The following ARHGAP15 variants were observed in gnomAD, a reference collection of about 807,000 sequenced individuals.
The protein encoded by ARHGAP15 is Rho GTPase activating protein 15, also known as rho GTPase-activating protein 15.
A neutral mutation model predicts 63.7 loss-of-function variants in ARHGAP15; 51 were observed. That is an observed-to-expected ratio of 0.80 (90% confidence interval 0.64 to 1.01). ARHGAP15 has a LOEUF of 1.01. Among genes scored for constraint, ARHGAP15 ranks in the 50% least tolerant of loss-of-function variants. ARHGAP15 has a pLI of 0.00. For synonymous variants in ARHGAP15, 191 were observed against 193.8 expected, an observed-to-expected ratio of 0.99 and a Z score of 0.12; for missense variants, 560 against 564.6, an observed-to-expected ratio of 0.99 and a Z score of 0.08.
chr2:143,146,753 A>G (rs1689608386), intron 1 of ARHGAP15, among the ~76,000 whole-genome samples: 3 of 152,104 alleles, frequency 2.0e-5, no homozygotes, highest in Non-Finnish European at 4.4e-5. Context: ...GTCCTTCACA[A>G]CAATAGACTA....
intron 1 of ARHGAP15, among the ~76,000 whole-genome samples, chr2:143,139,304 T>C (rs1024191895): frequency 1.3e-5 from 2 of 152,266 alleles, no homozygotes; most frequent in East Asian, 3.9e-4. Context: ...ATGTATTCCA[T>C]ACCACTTATT....
chr2:143,218,480 AT>A (rs1692858947), intron 4 of ARHGAP15, among the ~76,000 whole-genome samples: 1 of 152,102 alleles, frequency 6.6e-6, no homozygotes, highest in African/African-American at 2.4e-5. Flanking sequence ...ATGTGTGTTT[AT>A]CAAACTCATT....
At chr2:143,197,159 C>A (rs894843612) in intron 2 of ARHGAP15, among the ~76,000 whole-genome samples, 2 of 151,884 alleles carry the variant, frequency 1.3e-5, no homozygotes, top group African/African-American at 4.8e-5. Context: ...AAATGAAATT[C>A]TCTCTGCAAT....
chr2:143,344,129 A>T (rs1043799565), intron 6 of ARHGAP15: 4 of 152,126 alleles, frequency 2.6e-5, no homozygotes, highest in Non-Finnish European at 5.9e-5. Flanking sequence ...TTCCCTTTCA[A>T]TAACACACCT....
rs181747890 is a variant in ARHGAP15, at chr2:143,452,335, C to A, written c.703+15293C>A. 2.2e-4 allele frequency among the ~76,000 whole-genome samples: 34 copies of A among 151,960 alleles called. No individual in the cohort carries two copies. In the East Asian group the frequency reaches 6.0e-3, roughly 27 times the overall value. Reference sequence around the variant, plus strand: ...CTGCTTATTGTGTAGGCTCATCTTCCCCTGATGGAGCAATCAATTAAATAT... The same window carrying A: ...CTGCTTATTGTGTAGGCTCATCTTCACCTGATGGAGCAATCAATTAAATAT... On this transcript the variant is annotated intron_variant, in intron 8 of 13. Coordinates refer to ENST00000295095, the MANE Select transcript of ARHGAP15 (RefSeq NM_018460.4).
intron 9 of ARHGAP15, among the ~76,000 whole-genome samples, chr2:143,517,966 C>A (rs974223786): frequency 5.9e-5 from 9 of 152,172 alleles, no homozygotes; most frequent in South Asian, 2.1e-4. Context: ...TATGTAATAC[C>A]TTATAAGTTA....
intron 6 of ARHGAP15, among the ~76,000 whole-genome samples, chr2:143,363,192 G>A (rs1255779906): frequency 6.6e-6 from 1 of 151,788 alleles, no homozygotes; most frequent in Non-Finnish European, 1.5e-5. Flanking sequence ...CATTTTTTTG[G>A]AACATGTTAA....
At position 143,330,133 on chromosome 2, in the gene ARHGAP15, C is replaced by CAAAAAA. The variant is rs1558898102; in HGVS notation, c.474+79538_474+79539insAAAAAA. On this transcript the variant is annotated intron_variant, in intron 6 of 13. Transcript: ENST00000295095. ...AAAAAAAAAAAAAAAAAAAAAAAACCAAAAACAAAAAACTAAACTAATGAT... is the reference window on the plus strand; with the variant it reads ...AAAAAAAAAAAAAAAAAAAAAAAACCAAAAAAAAAAACAAAAAACTAAACTAATGAT... Among the ~76,000 whole-genome samples, 271 of 37,348 alleles carry CAAAAAA rather than the reference C, an allele frequency of 7.3e-3. 32 individuals carry two copies. Among genetic ancestry groups the CAAAAAA allele is most frequent in the Middle Eastern group, 0.029 (1 of 34 alleles). The allele number at this position is 37,348 out of a possible 152,430, so 24.5% of individuals were successfully genotyped here. A position where few individuals can be genotyped will look rare whatever the true frequency, so the allele number is the denominator to read the frequency against.
intron 8 of ARHGAP15, among the ~76,000 whole-genome samples, chr2:143,439,422 C>CAGAAAAAAAAAAAA (rs1689767259): frequency 3.2e-5 from 1 of 31,736 alleles, no homozygotes; most frequent in Non-Finnish European, 5.9e-5. Context: ...GACTCTGTCT[C>CAGAAAAAAAAAAAA]AAAAAAAAAA....
intron 1 of ARHGAP15, among the ~76,000 whole-genome samples, chr2:143,134,994 A>G (rs1689080811): frequency 2.6e-5 from 4 of 152,186 alleles, no homozygotes; most frequent in African/African-American, 9.7e-5. Flanking sequence ...GGGGGATAAA[A>G]TATGAATGTT....
At chr2:143,329,507 G>C (rs1684409916) in intron 6 of ARHGAP15, among the ~76,000 whole-genome samples, 1 of 152,074 alleles carries the variant, frequency 6.6e-6, no homozygotes, top group African/African-American at 2.4e-5. Flanking sequence ...GGACCCCAAA[G>C]CCTCAGAAGA....
At chr2:143,224,145 C>T (rs533162603) in intron 4 of ARHGAP15, among the ~76,000 whole-genome samples, 4 of 152,196 alleles carry the variant, frequency 2.6e-5, no homozygotes, top group East Asian at 1.9e-4. Flanking sequence ...GCAAGCTCAG[C>T]GTGGGAAGCC....
chr2:143,514,991 A>G (rs1693747450), intron 9 of ARHGAP15, among the ~76,000 whole-genome samples: 1 of 152,144 alleles, frequency 6.6e-6, no homozygotes, highest in South Asian at 2.1e-4. Context: ...TGCACACTCT[A>G]TTGGGTGGTA....
At chr2:143,472,998 A>G (rs934785516) in intron 8 of ARHGAP15, among the ~76,000 whole-genome samples, 1 of 152,196 alleles carries the variant, frequency 6.6e-6, no homozygotes, top group African/African-American at 2.4e-5. Context: ...TCACCGCTAC[A>G]TACTAGGCTT....
rs193136449 is a variant in ARHGAP15, at chr2:143,569,215, G to T, written c.1003+12730G>T. Among the ~76,000 whole-genome samples, 529 of 152,096 alleles carry T rather than the reference G, an allele frequency of 3.5e-3. 6 individuals are homozygous for T. Among genetic ancestry groups the T allele is most frequent in the African/African-American group, 0.011 (468 of 41,508 alleles). On this transcript the variant is annotated intron_variant, in intron 11 of 13. Transcript: ENST00000295095. ...ATTGGCCTAAATGAAGACTTCAAAT[G>T]GGGATTTATTCATTCAAAAATATTT...
At chr2:143,313,619 C>T (rs1438567928) in intron 6 of ARHGAP15, among the ~76,000 whole-genome samples, 2 of 151,988 alleles carry the variant, frequency 1.3e-5, no homozygotes, top group Non-Finnish European at 2.9e-5. Context: ...AAATCAGAAA[C>T]GTAAGGTTTT....
rs140375127 is a variant in ARHGAP15, at chr2:143,132,069, A to C, written c.-15+2603A>C. Among the ~76,000 whole-genome samples, 92 of 152,264 alleles carry C rather than the reference A, an allele frequency of 6.0e-4. 1 individual carries two copies. The highest frequency in any genetic ancestry group is 2.2e-3 in the African/African-American group (91 of 41,546). On this transcript the variant is annotated intron_variant, in intron 1 of 13. Coordinates refer to ENST00000295095, the MANE Select transcript of ARHGAP15 (RefSeq NM_018460.4). ...CCCATACACTTAGAAATTATTTAAC[A>C]TAATTAGTTTTTAATAGATGTATTT...
chr2:143,663,440 G>A (rs541083006), intron 12 of ARHGAP15, among the ~76,000 whole-genome samples: 37 of 143,578 alleles, frequency 2.6e-4, no homozygotes, highest in African/African-American at 5.3e-4. Context: ...AGGAACAACC[G>A]GTACCAGCCG....
At chr2:143,329,788 C>T (rs1684425473) in intron 6 of ARHGAP15, among the ~76,000 whole-genome samples, 1 of 151,914 alleles carries the variant, frequency 6.6e-6, no homozygotes, top group African/African-American at 2.4e-5. Flanking sequence ...ACACCCCCCT[C>T]CGTAGTTCAG....
Sources: gnomAD v4.1 joint callset for allele counts (sites outside exome capture counted in the v4.1 genomes callset) on GRCh38, gnomAD v4.1.1 for gene constraint, MANE v1.5 for transcripts, NCBI Gene and HGNC (gene_info 2026-07-23, HGNC 2026-07-21) for gene names.